CSMD3: variants seen among roughly 807,000 people sequenced by gnomAD.
CSMD3 encodes CUB and Sushi multiple domains 3, also known as CUB and sushi domain-containing protein 3.
CSMD3 carries 177 observed loss-of-function variants against 435.2 expected under a neutral mutation model. The observed-to-expected ratio is 0.41, with a 90% CI of 0.36 to 0.46. The LOEUF (loss-of-function observed/expected upper bound fraction) is 0.46. Ranked by LOEUF, CSMD3 falls within the 20% of genes least tolerant of loss-of-function variation. The pLI is 0.34. For missense variants in CSMD3, 4,265 were observed against 4,504.6 expected, an observed-to-expected ratio of 0.95 and a Z score of 1.52; for synonymous variants, 1,656 against 1,520.5, an observed-to-expected ratio of 1.09 and a Z score of -2.07.
At chr8:112,985,141 A>G (rs1420000781) in intron 6 of CSMD3, among the ~76,000 whole-genome samples, 1 of 152,128 alleles carries the variant, frequency 6.6e-6, no homozygotes, top group Non-Finnish European at 1.5e-5. Context: ...CTAGGAAAAC[A>G]CAGCTGTGGA....
intron 13 of CSMD3, among the ~76,000 whole-genome samples, chr8:112,727,395 T>C (rs1446757941): frequency 6.6e-6 from 1 of 151,880 alleles, no homozygotes; most frequent in Admixed American, 6.6e-5. Context: ...CATAATCTTC[T>C]ATGGCTCCTT....
chr8:112,343,849 A>G (rs1266343497), intron 41 of CSMD3, among the ~76,000 whole-genome samples: 1 of 151,718 alleles, frequency 6.6e-6, no homozygotes, highest in Non-Finnish European at 1.5e-5. Context: ...GAGCCTCACT[A>G]TGTTGCCCAG....
chr8:113,110,863 T>G (rs768751217), intron 4 of CSMD3, among the ~76,000 whole-genome samples: 3 of 152,178 alleles, frequency 2.0e-5, no homozygotes, highest in Non-Finnish European at 2.9e-5. Flanking sequence ...GGCTGGGAAA[T>G]CCAAGATGAA....
Position 112,617,793 on chromosome 8 carries a change from A to G in CSMD3, c.3715+19024T>C, listed in dbSNP as rs372073376. On this transcript the variant is annotated intron_variant, in intron 22 of 70. Transcript: ENST00000297405. ...CTATTCCAAGCTTTCAGAATAATACATAATGCACAGAACAGAAATTATCCA... is the reference window on the plus strand; with the variant it reads ...CTATTCCAAGCTTTCAGAATAATACGTAATGCACAGAACAGAAATTATCCA... 1.2e-4 allele frequency among the ~76,000 whole-genome samples: 18 copies of G among 152,292 alleles called. No homozygotes were observed. In the East Asian group the frequency reaches 2.1e-3, roughly 18 times the overall value.
At chr8:113,405,067 G>A (rs2094526707) in intron 1 of CSMD3, among the ~76,000 whole-genome samples, 1 of 151,486 alleles carries the variant, frequency 6.6e-6, no homozygotes, top group South Asian at 2.1e-4. Flanking sequence ...TTAATACATG[G>A]ATGAAAATTT....
intron 1 of CSMD3, among the ~76,000 whole-genome samples, chr8:113,381,255 T>G (rs117237989): frequency 0.028 from 4,244 of 152,190 alleles, 88 homozygotes; most frequent in Non-Finnish European, 0.039. Context: ...GTGAGGGAAA[T>G]AATTTATATA....
intron 5 of CSMD3, among the ~76,000 whole-genome samples, chr8:113,062,453 TTAAA>T: frequency 6.6e-6 from 1 of 152,094 alleles, no homozygotes; most frequent in Non-Finnish European, 1.5e-5. Context: ...AGTTGGTTGA[TTAAA>T]TAGAGGATTG....
chr8:112,703,804 A>G (rs1462419531), intron 13 of CSMD3, among the ~76,000 whole-genome samples: 4 of 152,108 alleles, frequency 2.6e-5, no homozygotes, highest in Non-Finnish European at 5.9e-5. Flanking sequence ...CTCACCTTCA[A>G]GCATCTCAGA....
At chr8:113,177,156 C>T (rs990681881) in intron 3 of CSMD3, among the ~76,000 whole-genome samples, 2 of 151,640 alleles carry the variant, frequency 1.3e-5, no homozygotes, top group African/African-American at 2.4e-5. Flanking sequence ...AAGCTAGACA[C>T]ATTATACTTG....
At chr8:112,286,784 T>C (rs1819248410) in intron 58 of CSMD3, among the ~76,000 whole-genome samples, 1 of 152,120 alleles carries the variant, frequency 6.6e-6, no homozygotes, top group African/African-American at 2.4e-5. Flanking sequence ...GAGGAAAGAA[T>C]AAATATTTTT....
At chr8:113,156,392 T>C (rs1038545320) in intron 4 of CSMD3, among the ~76,000 whole-genome samples, 1 of 152,124 alleles carries the variant, frequency 6.6e-6, no homozygotes, top group Non-Finnish European at 1.5e-5. Context: ...AATTATATGC[T>C]TATTTGAAAA....
rs1314097693 is a variant in CSMD3, at chr8:112,361,572, C to CATACAT, written c.6137-9039_6137-9038insATGTAT. On this transcript the variant is annotated intron_variant, in intron 38 of 70. Coordinates refer to ENST00000297405, the MANE Select transcript of CSMD3 (RefSeq NM_198123.2). ...GTGTGTATGTATATATATACACATA[C>CATACAT]ATATATATATATATATATATATATA... is the stretch of plus-strand genomic sequence containing the variant. Among the ~76,000 whole-genome samples, 52 of 107,180 alleles carry CATACAT rather than the reference C, an allele frequency of 4.9e-4. 3 individuals carry two copies. Among genetic ancestry groups the CATACAT allele is most frequent in the African/African-American group, 1.5e-3 (43 of 29,114 alleles). The allele number at this position is 107,180 out of a possible 152,430, so 70.3% of individuals were successfully genotyped here.
chr8:112,405,622 T>A (rs2130004154), intron 35 of CSMD3, among the ~76,000 whole-genome samples: 1 of 151,932 alleles, frequency 6.6e-6, no homozygotes, highest in Non-Finnish European at 1.5e-5. Context: ...AACAATAAGA[T>A]TTTTGGCTAA....
At chr8:112,657,690 A>G (rs537134507) in intron 17 of CSMD3, among the ~76,000 whole-genome samples, 37 of 152,142 alleles carry the variant, frequency 2.4e-4, no homozygotes, top group Non-Finnish European at 4.3e-4. Flanking sequence ...GTACTAAAAT[A>G]TTTTTCCCTT....
intron 1 of CSMD3, among the ~76,000 whole-genome samples, chr8:113,403,640 G>A (rs1218147109): frequency 6.6e-6 from 1 of 151,358 alleles, no homozygotes; most frequent in Non-Finnish European, 1.5e-5. Flanking sequence ...CATTAGTACT[G>A]TGAAACTCCT....
intron 6 of CSMD3, among the ~76,000 whole-genome samples, chr8:112,989,208 A>G (rs909102343): frequency 1.3e-5 from 2 of 152,052 alleles, no homozygotes; most frequent in African/African-American, 4.8e-5. Context: ...TAAAACCATA[A>G]TAAAATGAAA....
intron 32 of CSMD3, among the ~76,000 whole-genome samples, chr8:112,448,442 C>T (rs1815873785): frequency 6.6e-6 from 1 of 152,032 alleles, no homozygotes; most frequent in Non-Finnish European, 1.5e-5. Flanking sequence ...AAGATTTGCA[C>T]ACGTACACAC....
rs2075995921 is a variant in CSMD3, at chr8:112,685,708, G to A, written c.2180C>T (p.Ala727Val). The stretch of plus-strand genomic sequence containing the variant: ...AGGAGAAAGAACTGTTCCCATTGGT[G>A]CAGTAAAGTTAGACAGGCAGGGAAC... The part of the protein sequence containing the change: ...CIFPCLSNFT[A>V]PMGTVLSPDY... The change falls in exon 15 of 71, where the codon GCA (alanine) becomes GTA (valine). Residue 727 changes from alanine (A) to valine (V), a missense_variant. Ala to Val is a moderately conservative substitution (Grantham distance 64, BLOSUM62 0). This residue lies in a region of CSMD3 where 279 missense variants were observed against 369.0 expected (regional missense o/e 0.76). Transcript: ENST00000297405. 2 of 1,611,032 alleles carry A rather than the reference G, an allele frequency of 1.2e-6. No homozygotes were observed. The highest frequency in any genetic ancestry group is 1.7e-6 in the Non-Finnish European group (2 of 1,177,438).
At chr8:113,034,514 T>C (rs1253044460) in intron 5 of CSMD3, among the ~76,000 whole-genome samples, 1 of 145,394 alleles carries the variant, frequency 6.9e-6, no homozygotes, top group African/African-American at 2.4e-5. Context: ...AGATTAGTAA[T>C]TGTCCAGTGC....
Sources: gnomAD v4.1 joint callset for allele counts (sites outside exome capture counted in the v4.1 genomes callset) on GRCh38, gnomAD v4.1.1 for gene constraint, gnomAD v4.1.1 regional missense constraint, MANE v1.5 for transcripts, NCBI Gene and HGNC (gene_info 2026-07-23, HGNC 2026-07-21) for gene names.